Variants in CEP112 observed in about 807,000 individuals in gnomAD.
CEP112 encodes centrosomal protein 112.
Under a neutral mutation model 153.0 loss-of-function variants are expected in CEP112, and 127 were observed. The ratio of observed to expected loss-of-function variants is 0.83; its 90% CI spans 0.72 to 0.96. The LOEUF is 0.96. Ranked by LOEUF, CEP112 falls within the 40% of genes least tolerant of loss-of-function variation. The probability of loss-of-function intolerance (pLI) is 0.00; values close to 1 mark genes in which losing one functional copy is unlikely to be tolerated. For synonymous variants in CEP112, 358 were observed against 374.4 expected, an observed-to-expected ratio of 0.96 and a Z score of 0.51; for missense variants, 1,089 against 1,101.2, an observed-to-expected ratio of 0.99 and a Z score of 0.16.
intron 21 of CEP112, among the ~76,000 whole-genome samples, chr17:65,810,158 G>C (rs963272865): frequency 6.6e-6 from 1 of 152,212 alleles, no homozygotes; most frequent in Non-Finnish European, 1.5e-5. Context: ...GAATAATTAA[G>C]TATTAATAGA....
intron 20 of CEP112, among the ~76,000 whole-genome samples, chr17:65,859,439 CAA>C (rs57675567): frequency 8.7e-4 from 81 of 93,630 alleles, no homozygotes; most frequent in African/African-American, 1.5e-3. Context: ...GACTCCATCT[CAA>C]AAAAAAAAAA....
chr17:65,637,022 T>A (rs970715865), intron 26 of CEP112, 102 bp downstream of exon 26: 44 of 886,430 alleles, frequency 5.0e-5, no homozygotes, highest in Non-Finnish European at 7.1e-5. Context: ...AAACTTGTAT[T>A]ATATCCAAGC....
At position 65,938,618 on chromosome 17, in the gene CEP112, A is replaced by G. The variant is rs1046613104; in HGVS notation, c.1873-10929T>C. ...AGAGTAATTTGGCAAGATAATGGGGAAAAAAGGCATCCTAGTAGGAAAGGA... is the reference window on the plus strand; with the variant it reads ...AGAGTAATTTGGCAAGATAATGGGGGAAAAAGGCATCCTAGTAGGAAAGGA... On this transcript the variant is annotated intron_variant, in intron 18 of 26. Transcript: ENST00000535342. 7.2e-5 allele frequency among the ~76,000 whole-genome samples: 11 copies of G among 152,160 alleles called. No individual in the cohort carries two copies. In the East Asian group the frequency reaches 1.2e-3, roughly 16 times the overall value.
intron 6 of CEP112, among the ~76,000 whole-genome samples, chr17:66,120,753 TTGTC>T (rs2069538391): frequency 6.6e-6 from 1 of 152,196 alleles, no homozygotes; most frequent in African/African-American, 2.4e-5. Flanking sequence ...TTTTCATTCT[TTGTC>T]AGTCTGGCTA....
chr17:65,902,024 AT>A (rs2059883196), intron 20 of CEP112, 127 bp downstream of exon 20: 4 of 394,906 alleles, frequency 1.0e-5, no homozygotes, highest in Non-Finnish European at 1.8e-5. Flanking sequence ...CAAAAAAAAA[AT>A]CACATTTATA....
At position 66,028,342 on chromosome 17, in the gene CEP112, A is replaced by T. The variant is rs2065312197; in HGVS notation, c.1567T>A (p.Ser523Thr). ...AGTTGTTGCTTTCTTTGAAGTTCTG[A>T]TTCCTGTAACTGCTGTTTTAATTGA... The part of the protein sequence containing the change: ...VCQLKQQLQE[S>T]ELQRKQQLRD... Residue 523 changes from serine to threonine, a missense_variant, in exon 15 of 27, where the codon TCA becomes ACA. By Grantham distance (58) the Ser-to-Thr change is moderately conservative (BLOSUM62 1). Transcript: ENST00000535342. 6.3e-7 allele frequency: 1 copy of T among 1,599,264 alleles called. No individual in the cohort carries two copies. Among genetic ancestry groups the T allele is most frequent in the Admixed American group, 1.7e-5 (1 of 58,814 alleles).
At chr17:65,709,736 C>T (rs545300385) in intron 23 of CEP112, among the ~76,000 whole-genome samples, 17 of 152,274 alleles carry the variant, frequency 1.1e-4, no homozygotes, top group African/African-American at 2.2e-4. Flanking sequence ...CCACATTGAG[C>T]GGCATTATAC....
chr17:65,747,051 G>A (rs1314134179), intron 22 of CEP112, among the ~76,000 whole-genome samples: 1 of 144,786 alleles, frequency 6.9e-6, no homozygotes, highest in East Asian at 2.0e-4. Context: ...TTGCAAAAAT[G>A]TTAGTGGTCT....
At chr17:65,722,712 C>T (rs1053074831) in intron 23 of CEP112, among the ~76,000 whole-genome samples, 5 of 152,096 alleles carry the variant, frequency 3.3e-5, no homozygotes, top group Middle Eastern at 3.2e-3. Flanking sequence ...AGAAGAAGAA[C>T]GGATGAGAGA....
intron 21 of CEP112, among the ~76,000 whole-genome samples, chr17:65,776,278 A>T (rs2053672598): frequency 6.6e-6 from 1 of 151,996 alleles, no homozygotes; most frequent in Non-Finnish European, 1.5e-5. Flanking sequence ...TCTGTCGCCC[A>T]GGCTGGAGTG....
At chr17:66,009,440 A>G (rs1394788367) in intron 16 of CEP112, among the ~76,000 whole-genome samples, 1 of 152,096 alleles carries the variant, frequency 6.6e-6, no homozygotes, top group Non-Finnish European at 1.5e-5. Flanking sequence ...TTCCTTATAT[A>G]TTTAGGATAT....
At chr17:65,958,796 G>A (rs1907298677) in intron 18 of CEP112, among the ~76,000 whole-genome samples, 1 of 152,136 alleles carries the variant, frequency 6.6e-6, no homozygotes, top group African/African-American at 2.4e-5. Flanking sequence ...GGGAGGGCCT[G>A]AAGGCTGGGA....
chr17:65,805,792 T>C (rs1423413706), intron 21 of CEP112, among the ~76,000 whole-genome samples: 2 of 152,230 alleles, frequency 1.3e-5, no homozygotes, highest in African/African-American at 4.8e-5. Context: ...TCCATGGTTT[T>C]AGCAAATTTT....
chr17:65,841,125 T>C (rs1388390142), intron 21 of CEP112, among the ~76,000 whole-genome samples: 1 of 152,046 alleles, frequency 6.6e-6, no homozygotes, highest in African/African-American at 2.4e-5. Flanking sequence ...ATCTAGCATA[T>C]AACCCAGCAA....
At chr17:65,691,087 G>A (rs562296889) in intron 23 of CEP112, among the ~76,000 whole-genome samples, 1 of 152,216 alleles carries the variant, frequency 6.6e-6, no homozygotes, top group Admixed American at 6.5e-5. Flanking sequence ...GAAGCAGAGA[G>A]AGGAAAAAAC....
chr17:65,741,449 T>TGGTACATA (rs2051131703), intron 23 of CEP112, among the ~76,000 whole-genome samples: 2 of 151,384 alleles, frequency 1.3e-5, no homozygotes, highest in Admixed American at 1.3e-4. Flanking sequence ...AGGTAACATA[T>TGGTACATA]GGTACATATA....
chr17:65,882,709 T>C (rs1333621299), intron 20 of CEP112, among the ~76,000 whole-genome samples: 1 of 152,228 alleles, frequency 6.6e-6, no homozygotes, highest in African/African-American at 2.4e-5. Flanking sequence ...ACAGTAAGTA[T>C]AGGCTTATGT....
At chr17:65,850,757 G>A (rs2057901000) in intron 21 of CEP112, among the ~76,000 whole-genome samples, 1 of 152,072 alleles carries the variant, frequency 6.6e-6, no homozygotes, top group South Asian at 2.1e-4. Context: ...ACACCCTGAG[G>A]TTTCTTCTCT....
chr17:65,726,325 C>T (rs1460990702), intron 23 of CEP112, among the ~76,000 whole-genome samples: 2 of 149,284 alleles, frequency 1.3e-5, no homozygotes, highest in Non-Finnish European at 3.0e-5. Context: ...GGTGACAGGG[C>T]GAGACTCCAT....
Sources: allele counts gnomAD v4.1 joint callset (sites outside exome capture counted in the v4.1 genomes callset), GRCh38; gene constraint gnomAD v4.1.1; transcripts MANE v1.5; gene names NCBI Gene and HGNC (gene_info 2026-07-23, HGNC 2026-07-21).